PROX2: variants seen among roughly 807,000 people sequenced by gnomAD.
The protein encoded by PROX2 is prospero homeobox 2.
PROX2 carries 46 observed loss-of-function variants against 48.9 expected under a neutral mutation model. That is an observed-to-expected ratio of 0.94 (90% CI 0.74 to 1.20). The LOEUF (loss-of-function observed/expected upper bound fraction) is 1.20. Ranked by LOEUF, PROX2 falls within the 50% of genes most tolerant of loss-of-function variation. The pLI is 0.00. For synonymous variants in PROX2, 260 were observed against 276.6 expected, an observed-to-expected ratio of 0.94 and a Z score of 0.60; for missense variants, 663 against 719.4, an observed-to-expected ratio of 0.92 and a Z score of 0.90.
At chr14:74,858,311 T>G in intron 4 of PROX2, 96 bp downstream of exon 4, 1 of 687,028 alleles carries the variant, frequency 1.5e-6, no homozygotes, top group Non-Finnish European at 2.6e-6. Context: ...GAGCTTGAAG[T>G]GCACATATGA....
chr14:74,855,474 C>T (rs2091736449), intron 5 of PROX2, 172 bp from the exon 6 acceptor site: 3 of 423,162 alleles, frequency 7.1e-6, no homozygotes, highest in Admixed American at 4.1e-5. Flanking sequence ...CCTCATCAGA[C>T]ACAAACCTTG....
chr14:74,870,272 A>C (rs1883177063), intron 2 of PROX2, among the ~76,000 whole-genome samples: 1 of 150,848 alleles, frequency 6.6e-6, no homozygotes. Context: ...CCAAAAAAAA[A>C]ATCACCTGGG....
chr14:74,863,011 A>G lies in PROX2; in HGVS notation c.824T>C (p.Val275Ala), dbSNP rs774333466. The stretch of plus-strand genomic sequence containing the variant: ...AAGTGGATCTTTACAGGCCCCTCCC[A>G]CAGGAGGTGAGGGCTCGCTTCTACC... ...AEGRSEPSPP[V>A]GGACKDPLAL... is the part of the protein sequence containing the mutation. Residue 275 changes from valine (V) to alanine (A), a missense_variant, in exon 3 of 6, where the codon GTG (valine) becomes GCG (alanine). Physicochemically the swap from Val to Ala is moderately conservative, Grantham distance 64. Coordinates refer to ENST00000556489, the MANE Select transcript of PROX2 (RefSeq NM_001243007.2). 4 of 1,613,792 alleles carry G rather than the reference A, an allele frequency of 2.5e-6. No individual in the cohort carries two copies. Among genetic ancestry groups the G allele is most frequent in the Admixed American group, 1.7e-5 (1 of 60,000 alleles).
Position 74,862,898 on chromosome 14 carries a change from T to G in PROX2, c.937A>C (p.Arg313=). ...LSLAKRLDSP[R]YPIPPRMTPK... Reference sequence around the variant, plus strand: ...GTCATTCTTGGAGGGATAGGGTACCTAGGAGAATCTAGACGCTTGGCCAGT... The same window carrying G: ...GTCATTCTTGGAGGGATAGGGTACCGAGGAGAATCTAGACGCTTGGCCAGT... Residue 313 remains arginine, a synonymous_variant, in exon 3 of 6, where the codon AGG becomes CGG. Transcript: ENST00000556489. 3 of 1,613,834 alleles carry G rather than the reference T, an allele frequency of 1.9e-6. No homozygotes were observed. The highest frequency in any genetic ancestry group is 2.5e-6 in the Non-Finnish European group (3 of 1,179,820).
chr14:74,874,250 AGT>A (rs1883284804), intron 1 of PROX2: 2 of 323,480 alleles, frequency 6.2e-6, no homozygotes, highest in Non-Finnish European at 5.9e-6. Flanking sequence ...GCATCATACA[AGT>A]TTTTTTTTTT....
chr14:74,853,858 A>T lies in PROX2; in HGVS notation c.*1274T>A, dbSNP rs1321824887. 1 of 152,760 alleles carries T rather than the reference A, an allele frequency of 6.5e-6. No homozygotes were observed. The highest frequency in any genetic ancestry group is 2.4e-5 in the African/African-American group (1 of 41,244). 9.5% of individuals were successfully genotyped at this position (152,760 alleles called of 1,614,324 possible). A position where few individuals can be genotyped will look rare whatever the true frequency, so the allele number is the denominator to read the frequency against. On this transcript the variant is annotated 3_prime_UTR_variant, in exon 6 of 6. Coordinates refer to ENST00000556489, the MANE Select transcript of PROX2 (RefSeq NM_001243007.2). ...CAGATGCAGTTACTCAGCTTTGTAC[A>T]TGCCTTGCCTATATACTCAAGAGTG...
intron 3 of PROX2, chr14:74,858,842 TTGTG>T (rs199587376): frequency 0.18 from 29,368 of 161,894 alleles, 3,291 homozygotes; most frequent in African/African-American, 0.23. Flanking sequence ...GGTTGGTGTA[TTGTG>T]TGTGTGTGTG....
Position 74,855,141 on chromosome 14 carries a change from A to G in PROX2, c.1770T>C (p.Tyr590=). 1 of 1,560,084 alleles carries G rather than the reference A, an allele frequency of 6.4e-7. No individual in the cohort carries two copies. The highest frequency in any genetic ancestry group is 1.3e-5 in the African/African-American group (1 of 74,266). The change falls in exon 6 of 6, where the codon TAT becomes TAC. Residue 590 remains tyrosine (Y), a synonymous_variant. Coordinates refer to ENST00000556489, the MANE Select transcript of PROX2 (RefSeq NM_001243007.2). Reference sequence around the variant, plus strand: ...CTTAACCCCGAAACAGCTACTGGGGATAGCTGGAAGATTTGAATATCTCTG... The same window carrying G: ...CTTAACCCCGAAACAGCTACTGGGGGTAGCTGGAAGATTTGAATATCTCTG... ...DIPEIFKSSS[Y]PQ is the part of the protein sequence containing the mutation.
intron 5 of PROX2, 146 bp downstream of exon 5, chr14:74,856,655 A>G: frequency 1.5e-6 from 1 of 645,990 alleles, no homozygotes; most frequent in Non-Finnish European, 2.6e-6. Context: ...TGAGGCTGTA[A>G]TCTTTGTGGA....
At chr14:74,875,631 G>T (rs1219681007) in intron 1 of PROX2, among the ~76,000 whole-genome samples, 2 of 152,178 alleles carry the variant, frequency 1.3e-5, no homozygotes, top group East Asian at 1.9e-4. Context: ...CTTCAAAAGG[G>T]CTCCAGAGAT....
rs1594860510 is a variant in PROX2 at position 74,862,647 on chromosome 14, C to T, written c.1188G>A (p.Gln396=). The part of the protein sequence containing the change: ...KPQPLVLSQQ[Q]CPLPFTSAHL... Reference sequence around the variant, plus strand: ...GGGCAGAGGTGAAAGGCAAGGGACACTGCTGCTGGCTCAGGACCAATGGTT... The same window carrying T: ...GGGCAGAGGTGAAAGGCAAGGGACATTGCTGCTGGCTCAGGACCAATGGTT... Residue 396 remains glutamine (Q), a synonymous_variant, in exon 3 of 6, where the codon CAG becomes CAA. Transcript: ENST00000556489. 3 of 1,614,052 alleles carry T rather than the reference C, an allele frequency of 1.9e-6. No homozygotes were observed. The highest frequency in any genetic ancestry group is 2.2e-5 in the East Asian group (1 of 44,892).
chr14:74,873,854 T>C (rs1212776559), intron 1 of PROX2: 2 of 447,602 alleles, frequency 4.5e-6, no homozygotes, highest in South Asian at 3.4e-5. Flanking sequence ...TTTTTGCAGA[T>C]CTAGGCTGTA....
chr14:74,873,635 A>G, intron 1 of PROX2: 1 of 310,336 alleles, frequency 3.2e-6, no homozygotes, highest in South Asian at 3.4e-5. Context: ...TCGCCTCCTG[A>G]GATCCTGTGC....
chr14:74,866,147 A>G (rs989996656), intron 2 of PROX2, among the ~76,000 whole-genome samples: 2 of 151,954 alleles, frequency 1.3e-5, no homozygotes, highest in Non-Finnish European at 2.9e-5. Context: ...AGTCCCAGCT[A>G]CTTGGGAGGC....
chr14:74,856,304 GTGT>G (rs2091742455), intron 5 of PROX2: 1 of 155,524 alleles, frequency 6.4e-6, no homozygotes, highest in African/African-American at 2.4e-5. Context: ...CTGAGCTTGA[GTGT>G]TGTTTATTGT....
At chr14:74,873,913 G>T in intron 1 of PROX2, 1 of 467,560 alleles carries the variant, frequency 2.1e-6, no homozygotes, top group South Asian at 1.6e-5. Flanking sequence ...GCAGGGTTCT[G>T]TGTTGGATTT....
At chr14:74,873,438 T>C (rs986310918) in intron 1 of PROX2, among the ~76,000 whole-genome samples, 1 of 152,122 alleles carries the variant, frequency 6.6e-6, no homozygotes, top group Admixed American at 6.6e-5. Flanking sequence ...GTGCGGGAAA[T>C]AGGCACTCCT....
intron 1 of PROX2, among the ~76,000 whole-genome samples, chr14:74,872,206 A>C (rs1250814949): frequency 6.6e-6 from 1 of 152,258 alleles, no homozygotes; most frequent in Non-Finnish European, 1.5e-5. Context: ...ATGCTAACTC[A>C]TTCTCATCAC....
chr14:74,874,774 A>G lies in PROX2; in HGVS notation c.-310+1121T>C, dbSNP rs977287100. Among the ~76,000 whole-genome samples the G allele has an allele frequency of 3.9e-5, 6 of 152,336 alleles. No homozygotes were observed. In the East Asian group the frequency reaches 9.6e-4, roughly 24 times the overall value. ...AAGGCACAAAAAATAAGTATACAAA[A>G]GACTACTATCTACCATCACTTTTAT... On this transcript the variant is annotated intron_variant, in intron 1 of 5. Transcript: ENST00000556489.
Sources: allele counts gnomAD v4.1 joint callset (sites outside exome capture counted in the v4.1 genomes callset), GRCh38; gene constraint gnomAD v4.1.1; transcripts MANE v1.5; gene names NCBI Gene and HGNC (gene_info 2026-07-23, HGNC 2026-07-21).